Variants in IGSF21 observed in about 807,000 individuals in gnomAD.
IGSF21 encodes immunoglobulin superfamily member 21.
In IGSF21, 28 loss-of-function variants were observed where a neutral mutation model predicts 46.8. The ratio of observed to expected loss-of-function variants is 0.60; its 90% CI spans 0.44 to 0.82. IGSF21 has a LOEUF of 0.82. Ranked by LOEUF, IGSF21 falls within the 40% of genes least tolerant of loss-of-function variation. The probability of loss-of-function intolerance (pLI) is 0.00; values close to 1 mark genes in which losing one functional copy is unlikely to be tolerated. For synonymous variants in IGSF21, 284 were observed against 273.6 expected (o/e 1.04, Z -0.38); for missense variants, 624 against 665.5 (o/e 0.94, Z 0.69).
At chr1:18,129,017 C>T (rs912612352) in intron 1 of IGSF21, among the ~76,000 whole-genome samples, 3 of 152,142 alleles carry the variant, frequency 2.0e-5, no homozygotes, top group Non-Finnish European at 2.9e-5. Context: ...TATTAATTAG[C>T]AGTTATTCCC....
At chr1:18,286,731 C>T (rs1017369870) in intron 2 of IGSF21, among the ~76,000 whole-genome samples, 1 of 152,222 alleles carries the variant, frequency 6.6e-6, no homozygotes, top group African/African-American at 2.4e-5. Flanking sequence ...CGCAGAGCAG[C>T]AAGGGCCTTT....
intron 6 of IGSF21, among the ~76,000 whole-genome samples, chr1:18,374,206 G>A (rs1434292417): frequency 6.6e-6 from 1 of 152,190 alleles, no homozygotes; most frequent in Admixed American, 6.5e-5. Flanking sequence ...GATGTCTACA[G>A]CACTTGAGGG....
At chr1:18,275,549 C>T (rs2085092486) in intron 2 of IGSF21, among the ~76,000 whole-genome samples, 1 of 152,140 alleles carries the variant, frequency 6.6e-6, no homozygotes, top group Non-Finnish European at 1.5e-5. Flanking sequence ...CGATGCTGTT[C>T]TCCCCATGCT....
intron 2 of IGSF21, among the ~76,000 whole-genome samples, chr1:18,244,629 C>A (rs1044009320): frequency 6.6e-6 from 1 of 152,174 alleles, no homozygotes; most frequent in African/African-American, 2.4e-5. Flanking sequence ...TTATTGAGAG[C>A]CCTCTGTGTC....
chr1:18,296,439 G>T (rs1403847565), intron 3 of IGSF21, among the ~76,000 whole-genome samples: 1 of 152,172 alleles, frequency 6.6e-6, no homozygotes, highest in Non-Finnish European at 1.5e-5. Flanking sequence ...AGGGTGGGGA[G>T]TCATGGGAAA....
Position 18,348,370 on chromosome 1 carries a change from C to T in IGSF21, c.424+13360C>T, listed in dbSNP as rs568926949. Among the ~76,000 whole-genome samples, 35 of 152,342 alleles carry T rather than the reference C, an allele frequency of 2.3e-4. No homozygotes were observed. The East Asian group carries it at 6.6e-3, about 29-fold the overall frequency. On this transcript the variant is annotated intron_variant, in intron 4 of 9. Transcript: ENST00000251296. ...ACCTTCTGTGTCTCACATACCAGGG[C>T]TCCCCTCTTGTTCCAGAGTCAGATC... is the stretch of plus-strand genomic sequence containing the variant.
chr1:18,142,848 T>TA (rs903950367), intron 1 of IGSF21, among the ~76,000 whole-genome samples: 1 of 152,116 alleles, frequency 6.6e-6, no homozygotes, highest in African/African-American at 2.4e-5. Context: ...AGATGGGAGA[T>TA]GCAGCAAGCA....
At chr1:18,360,434 G>GC (rs1557660236) in intron 4 of IGSF21, among the ~76,000 whole-genome samples, 1 of 152,020 alleles carries the variant, frequency 6.6e-6, no homozygotes, top group Non-Finnish European at 1.5e-5. Context: ...TGTGTCTGTC[G>GC]CCCCCACCTG....
intron 1 of IGSF21, among the ~76,000 whole-genome samples, chr1:18,160,342 A>G (rs966817118): frequency 5.9e-5 from 9 of 152,222 alleles, no homozygotes; most frequent in Non-Finnish European, 1.2e-4. Flanking sequence ...GTGTTCAGAG[A>G]ATACATGACA....
intron 4 of IGSF21, among the ~76,000 whole-genome samples, chr1:18,357,161 G>A (rs528156212): frequency 2.7e-5 from 4 of 150,564 alleles, no homozygotes; most frequent in Admixed American, 2.6e-4. Context: ...GATGGGGATG[G>A]GGATAAAGAT....
intron 1 of IGSF21, among the ~76,000 whole-genome samples, chr1:18,218,236 G>C (rs910214914): frequency 5.3e-5 from 8 of 152,182 alleles, no homozygotes; most frequent in African/African-American, 1.9e-4. Flanking sequence ...AGGAGAAAGT[G>C]GGGGAGCTGC....
At chr1:18,292,723 AAACT>A (rs2085279032) in intron 3 of IGSF21, among the ~76,000 whole-genome samples, 1 of 152,134 alleles carries the variant, frequency 6.6e-6, no homozygotes, top group Non-Finnish European at 1.5e-5. Context: ...GTCATCTGGT[AAACT>A]CCTCATCAGC....
chr1:18,258,015 A>G (rs1054742254), intron 2 of IGSF21, among the ~76,000 whole-genome samples: 10 of 152,188 alleles, frequency 6.6e-5, no homozygotes, highest in Non-Finnish European at 1.5e-4. Context: ...TACAACTTGT[A>G]AATCATCCTG....
At chr1:18,121,357 G>A (rs936327933) in intron 1 of IGSF21, among the ~76,000 whole-genome samples, 3 of 152,258 alleles carry the variant, frequency 2.0e-5, no homozygotes, top group Non-Finnish European at 4.4e-5. Context: ...AACTTCCACC[G>A]GCAGTCCTCT....
chr1:18,180,419 CCTT>C (rs1417268637), intron 1 of IGSF21, among the ~76,000 whole-genome samples: 1 of 152,192 alleles, frequency 6.6e-6, no homozygotes, highest in East Asian at 1.9e-4. Flanking sequence ...GAGGTATTGG[CCTT>C]CTTCCACCAT....
intron 4 of IGSF21, among the ~76,000 whole-genome samples, chr1:18,348,693 T>C (rs1261357171): frequency 6.6e-6 from 1 of 152,168 alleles, no homozygotes; most frequent in Non-Finnish European, 1.5e-5. Flanking sequence ...CTGAGGAGGC[T>C]ATAGCTGCCT....
In IGSF21 at chr1:18,249,508, C is replaced by T. The variant is rs149000412; in HGVS notation, c.183+21498C>T. On this transcript the variant is annotated intron_variant, in intron 2 of 9. Coordinates refer to ENST00000251296, the MANE Select transcript of IGSF21 (RefSeq NM_032880.5). ...GGTGGTGTGGGAAGGGGCAGCTGTACGTGCAAAAGCAGTGTGGACATTGGG... is the reference window on the plus strand; with the variant it reads ...GGTGGTGTGGGAAGGGGCAGCTGTATGTGCAAAAGCAGTGTGGACATTGGG... Among the ~76,000 whole-genome samples, 16 of 152,206 alleles carry T rather than the reference C, an allele frequency of 1.1e-4. No homozygotes were observed. The South Asian group carries it at 1.2e-3, about 12-fold the overall frequency.
At chr1:18,190,343 A>G (rs2086943200) in intron 1 of IGSF21, among the ~76,000 whole-genome samples, 1 of 152,168 alleles carries the variant, frequency 6.6e-6, no homozygotes, top group African/African-American at 2.4e-5. Flanking sequence ...TCCTAAGCAT[A>G]GTTGTCCCTC....
At chr1:18,181,190 C>T (rs888707582) in intron 1 of IGSF21, among the ~76,000 whole-genome samples, 2 of 152,158 alleles carry the variant, frequency 1.3e-5, no homozygotes, top group African/African-American at 4.8e-5. Context: ...GGTCGTGCGG[C>T]GGATGTGTTC....
Sources: gnomAD v4.1 joint callset for allele counts (sites outside exome capture counted in the v4.1 genomes callset) on GRCh38, gnomAD v4.1.1 for gene constraint, MANE v1.5 for transcripts, NCBI Gene and HGNC (gene_info 2026-07-23, HGNC 2026-07-21) for gene names.